The following UTRN variants were observed in gnomAD, a reference collection of about 807,000 sequenced individuals.
The protein encoded by UTRN is dystrophin-related protein 1.
A neutral mutation model predicts 463.9 loss-of-function variants in UTRN; 283 were observed. The ratio of observed to expected loss-of-function variants is 0.61; its 90% CI spans 0.55 to 0.67. The LOEUF (loss-of-function observed/expected upper bound fraction) is 0.67. Ranked by LOEUF, UTRN falls within the 30% of genes least tolerant of loss-of-function variation. The pLI, the probability that UTRN is intolerant of heterozygous loss-of-function variation, is 0.00. For synonymous variants in UTRN, 1,442 were observed against 1,431.5 expected, an observed-to-expected ratio of 1.01 and a Z score of -0.17; for missense variants, 3,922 against 4,084.3, an observed-to-expected ratio of 0.96 and a Z score of 1.08.
At chr6:144,528,859 A>T (rs1200662683) in intron 41 of UTRN, among the ~76,000 whole-genome samples, 1 of 152,244 alleles carries the variant, frequency 6.6e-6, no homozygotes, top group East Asian at 1.9e-4. Flanking sequence ...AGGGCCATAG[A>T]GCTCCTAAGA....
At chr6:144,410,195 G>A (rs929785931) in intron 3 of UTRN, among the ~76,000 whole-genome samples, 2 of 152,130 alleles carry the variant, frequency 1.3e-5, no homozygotes, top group Non-Finnish European at 2.9e-5. Context: ...ATTGAACAAA[G>A]GAACTTTGAT....
chr6:144,800,748 T>A (rs926989601), intron 64 of UTRN, among the ~76,000 whole-genome samples: 3 of 151,770 alleles, frequency 2.0e-5, no homozygotes, highest in Middle Eastern at 3.4e-3. Flanking sequence ...ACCAATAACA[T>A]CATTAGTGTG....
At chr6:144,320,606 C>T (rs953687282) in intron 2 of UTRN, among the ~76,000 whole-genome samples, 49 of 152,124 alleles carry the variant, frequency 3.2e-4, no homozygotes, top group Non-Finnish European at 1.3e-4. Context: ...TTTCTCTGTG[C>T]AGGAAGCAAG....
chr6:144,449,412 A>G (rs1375082306), intron 17 of UTRN, among the ~76,000 whole-genome samples: 1 of 152,186 alleles, frequency 6.6e-6, no homozygotes, highest in Non-Finnish European at 1.5e-5. Flanking sequence ...TACAGTGGAC[A>G]GTCATTTCCT....
intron 53 of UTRN, among the ~76,000 whole-genome samples, chr6:144,707,221 AT>A (rs1020284762): frequency 5.3e-5 from 8 of 152,162 alleles, no homozygotes; most frequent in Admixed American, 4.6e-4. Flanking sequence ...CATATCTAAG[AT>A]TTTTTTCACC....
intron 51 of UTRN, among the ~76,000 whole-genome samples, chr6:144,673,709 T>A (rs1366148069): frequency 6.6e-6 from 1 of 152,080 alleles, no homozygotes; most frequent in African/African-American, 2.4e-5. Context: ...ATACCCTTTT[T>A]TAAAAAATTG....
chr6:144,499,226 C>T, intron 33 of UTRN, 31 bp from the exon 34 acceptor site: 1 of 1,594,256 alleles, frequency 6.3e-7, no homozygotes, highest in Non-Finnish European at 8.6e-7. Context: ...CCATCTCAGT[C>T]TCAGTCTCTC....
intron 2 of UTRN, among the ~76,000 whole-genome samples, chr6:144,360,663 G>A (rs1394927163): frequency 1.3e-5 from 2 of 152,178 alleles, no homozygotes; most frequent in African/African-American, 2.4e-5. Flanking sequence ...TCAGCGCCCA[G>A]CAACCCATAG....
At chr6:144,606,275 C>A (rs1804839316) in intron 51 of UTRN, among the ~76,000 whole-genome samples, 1 of 152,170 alleles carries the variant, frequency 6.6e-6, no homozygotes, top group Non-Finnish European at 1.5e-5. Context: ...CTTATCCATG[C>A]ACAGATGTAA....
chr6:144,301,199 C>T (rs537500175), intron 2 of UTRN, among the ~76,000 whole-genome samples: 218 of 152,138 alleles, frequency 1.4e-3, no homozygotes, highest in African/African-American at 4.9e-3. Flanking sequence ...AAATCAATGG[C>T]CAGTTCTATA....
chr6:144,543,921 T>C (rs2128608051), intron 46 of UTRN, among the ~76,000 whole-genome samples: 1 of 152,332 alleles, frequency 6.6e-6, no homozygotes, highest in Middle Eastern at 3.4e-3. Context: ...TGATCAAGTT[T>C]CTTGATTAAT....
chr6:144,357,830 T>C (rs1345858825), intron 2 of UTRN, among the ~76,000 whole-genome samples: 1 of 152,280 alleles, frequency 6.6e-6, no homozygotes. Context: ...TATTGTGAAG[T>C]CTACTCAACT....
At chr6:144,587,589 T>G (rs997229220) in intron 51 of UTRN, among the ~76,000 whole-genome samples, 39 of 152,156 alleles carry the variant, frequency 2.6e-4, no homozygotes, top group African/African-American at 8.9e-4. Context: ...AGTATGTGGT[T>G]TTTTAGAAGA....
At chr6:144,299,685 A>T (rs1805058160) in intron 2 of UTRN, among the ~76,000 whole-genome samples, 1 of 152,120 alleles carries the variant, frequency 6.6e-6, no homozygotes, top group Admixed American at 6.6e-5. Context: ...TTTCTAGGGA[A>T]TGCATCAGCT....
At chr6:144,812,102 CA>C (rs1378741843) in intron 65 of UTRN, among the ~76,000 whole-genome samples, 8 of 151,644 alleles carry the variant, frequency 5.3e-5, no homozygotes, top group Admixed American at 3.9e-4. Context: ...AGTGACTCCC[CA>C]AAAAAAAGTT....
chr6:144,337,178 G>GAC (rs531924321), intron 2 of UTRN, among the ~76,000 whole-genome samples: 76 of 124,062 alleles, frequency 6.1e-4, no homozygotes, highest in African/African-American at 1.9e-3. Flanking sequence ...CACACACACA[G>GAC]ACACACACAC....
chr6:144,603,571 C>T (rs1804498259), intron 51 of UTRN, among the ~76,000 whole-genome samples: 1 of 152,262 alleles, frequency 6.6e-6, no homozygotes, highest in South Asian at 2.1e-4. Flanking sequence ...GATGTTTCAA[C>T]ACGTGGTTAA....
At chr6:144,472,992 C>G (rs1187052019) in intron 23 of UTRN, among the ~76,000 whole-genome samples, 1 of 152,066 alleles carries the variant, frequency 6.6e-6, no homozygotes, top group Non-Finnish European at 1.5e-5. Context: ...TGGTCTTGAT[C>G]TCTTGACCTC....
intron 2 of UTRN, among the ~76,000 whole-genome samples, chr6:144,299,287 A>C (rs770228617): frequency 6.6e-6 from 1 of 152,218 alleles, no homozygotes; most frequent in Non-Finnish European, 1.5e-5. Context: ...TAATTTATAG[A>C]CAAGGAAGGC....
Sources: gnomAD v4.1 joint callset for allele counts (sites outside exome capture counted in the v4.1 genomes callset) on GRCh38, gnomAD v4.1.1 for gene constraint, MANE v1.5 for transcripts, NCBI Gene and HGNC (gene_info 2026-07-23, HGNC 2026-07-21) for gene names.